ABCA13: variants seen among roughly 807,000 people sequenced by gnomAD.
The protein encoded by ABCA13 is ATP binding cassette subfamily A member 13.
ABCA13 carries 476 observed loss-of-function variants against 478.7 expected under a neutral mutation model. The observed-to-expected ratio is 0.99, with a 90% CI of 0.92 to 1.07. The LOEUF (loss-of-function observed/expected upper bound fraction) is 1.07, where lower values mean the gene tolerates loss of function less well. ABCA13 is among the 50% of genes least tolerant of loss of function. The probability of loss-of-function intolerance (pLI) is 0.00; values close to 1 mark genes in which losing one functional copy is unlikely to be tolerated. For synonymous variants in ABCA13, 2,252 were observed against 2,158.9 expected (o/e 1.04, Z -1.20); for missense variants, 6,060 against 5,910.6 (o/e 1.03, Z -0.83).
At chr7:48,438,038 C>A (rs1308274756) in intron 42 of ABCA13, among the ~76,000 whole-genome samples, 5 of 152,096 alleles carry the variant, frequency 3.3e-5, no homozygotes, top group Non-Finnish European at 5.9e-5. Context: ...TGCTCTGTTG[C>A]CCACCAAATG....
intron 6 of ABCA13, 147 bp downstream of exon 6, chr7:48,227,572 C>G: frequency 1.1e-6 from 1 of 884,828 alleles, no homozygotes; most frequent in South Asian, 1.8e-5. Flanking sequence ...TCTGCACCTC[C>G]ACGAACGTCC....
intron 1 of ABCA13, among the ~76,000 whole-genome samples, chr7:48,172,971 T>C (rs1349524165): frequency 6.6e-6 from 1 of 152,204 alleles, no homozygotes; most frequent in Non-Finnish European, 1.5e-5. Context: ...TTAGCCTATT[T>C]TCCCATGAAA....
At chr7:48,618,056 C>T (rs1050775913) in intron 59 of ABCA13, among the ~76,000 whole-genome samples, 1 of 152,178 alleles carries the variant, frequency 6.6e-6, no homozygotes, top group African/African-American at 2.4e-5. Flanking sequence ...TGAGAAACAG[C>T]TCTTCCATGG....
chr7:48,623,359 G>T (rs1586017943), intron 59 of ABCA13, among the ~76,000 whole-genome samples: 1 of 152,142 alleles, frequency 6.6e-6, no homozygotes. Flanking sequence ...GTCTGAGAAA[G>T]AAATCTGCTT....
chr7:48,588,012 C>T (rs1453704525), intron 57 of ABCA13, among the ~76,000 whole-genome samples: 3 of 152,140 alleles, frequency 2.0e-5, no homozygotes, highest in Admixed American at 2.0e-4. Context: ...AGTAGAGAGT[C>T]TGAGGGGTGT....
At chr7:48,340,384 G>C (rs1472173097) in intron 29 of ABCA13, among the ~76,000 whole-genome samples, 3 of 152,164 alleles carry the variant, frequency 2.0e-5, no homozygotes, top group Non-Finnish European at 1.5e-5. Context: ...GGGATTACAG[G>C]CGTGAGCCAC....
At chr7:48,642,622 T>G (rs1795175094) in intron 59 of ABCA13, among the ~76,000 whole-genome samples, 1 of 152,044 alleles carries the variant, frequency 6.6e-6, no homozygotes, top group African/African-American at 2.4e-5. Flanking sequence ...TTCATATAGT[T>G]TTTGGAGGAC....
At chr7:48,376,961 G>A (rs1813580521) in intron 35 of ABCA13, among the ~76,000 whole-genome samples, 1 of 152,154 alleles carries the variant, frequency 6.6e-6, no homozygotes, top group Admixed American at 6.5e-5. Context: ...TCCTAGTGGG[G>A]ATCTAGGGAC....
intron 29 of ABCA13, among the ~76,000 whole-genome samples, chr7:48,340,994 T>A (rs1433549173): frequency 2.0e-5 from 3 of 152,232 alleles, no homozygotes; most frequent in Non-Finnish European, 4.4e-5. Flanking sequence ...TCAATTGATT[T>A]CTTGTTCTGA....
chr7:48,327,026 T>G lies in ABCA13; in HGVS notation c.10000-8396T>G, dbSNP rs114685162. Reference sequence around the variant, plus strand: ...AGAACTCTAACACCAATAATTTCACTGTTTTAAATGCAGATTGAATCACTC... The same window carrying G: ...AGAACTCTAACACCAATAATTTCACGGTTTTAAATGCAGATTGAATCACTC... On this transcript the variant is annotated intron_variant, in intron 27 of 61. Transcript: ENST00000435803. Among the ~76,000 whole-genome samples the G allele has an allele frequency of 9.8e-4, 150 of 152,340 alleles. 1 individual carries two copies. The highest frequency in any genetic ancestry group is 3.4e-3 in the African/African-American group (142 of 41,580).
In ABCA13 at chr7:48,511,136, A is replaced by G. The variant is rs1339105184; in HGVS notation, c.13577A>G (p.Gln4526Arg). 8 of 1,613,594 alleles carry G rather than the reference A, an allele frequency of 5.0e-6. No individual in the cohort carries two copies. Among genetic ancestry groups the G allele is most frequent in the Non-Finnish European group, 6.8e-6 (8 of 1,179,684 alleles). Residue 4526 changes from glutamine to arginine, a missense_variant, in exon 51 of 62, where the codon CAG (glutamine) becomes CGG (arginine). This residue lies in a region of ABCA13 where 1,627 missense variants were observed against 1,571.0 expected (regional missense o/e 1.04). Transcript: ENST00000435803. ...TGTGTTGCCGTTATTGTCGCCTTCC[A>G]GTTAACAGCTTTTACTTTCCGCAAG... ...CLCVAVIVAFQLTAFTFRKNL... is the reference protein window; with the variant it reads ...CLCVAVIVAFRLTAFTFRKNL...
intron 41 of ABCA13, among the ~76,000 whole-genome samples, chr7:48,422,072 A>G (rs1820830845): frequency 5.7e-5 from 8 of 141,326 alleles, no homozygotes; most frequent in African/African-American, 2.2e-4. Context: ...AAAAAAAAAA[A>G]AAAAAAAAAA....
At chr7:48,566,819 A>G (rs1399384920) in intron 55 of ABCA13, among the ~76,000 whole-genome samples, 2 of 152,212 alleles carry the variant, frequency 1.3e-5, no homozygotes, top group Non-Finnish European at 2.9e-5. Flanking sequence ...ATTTAAGCCA[A>G]TAAAATAGAG....
chr7:48,187,537 T>C (rs1176704646), intron 1 of ABCA13, among the ~76,000 whole-genome samples: 1 of 152,014 alleles, frequency 6.6e-6, no homozygotes, highest in African/African-American at 2.4e-5. Context: ...TGTTGTATAG[T>C]CTTTGTTTTT....
intron 1 of ABCA13, among the ~76,000 whole-genome samples, chr7:48,192,575 G>C (rs1797246522): frequency 6.6e-6 from 1 of 152,142 alleles, no homozygotes; most frequent in South Asian, 2.1e-4. Context: ...ACCAAAGCCA[G>C]CAAAATATCT....
At position 48,594,728 on chromosome 7, in the gene ABCA13, AT is replaced by A; in HGVS notation, c.14660del (p.Met4887ArgfsTer13). The A allele has an allele frequency of 6.2e-7, 1 of 1,613,916 alleles. No homozygotes were observed. On this transcript the variant is annotated frameshift_variant, in exon 58 of 62. Transcript: ENST00000435803. LOFTEE classifies it high-confidence loss of function. Reference protein sequence around the residue: ...ILLLDEPSSGMDPCSKRYLWQ... With the variant: ...ILLLDEPSSGXDPCSKRYLWQ... ...CCTTCAGGATGAGCCCAGCTCTGGGATGGATCCCTGCTCTAAGCGGTACCTG... is the reference window on the plus strand; with the variant it reads ...CCTTCAGGATGAGCCCAGCTCTGGGAGGATCCCTGCTCTAAGCGGTACCTG...
rs371039733 is a variant in ABCA13 at position 48,278,390 on chromosome 7, C to A, written c.7196C>A (p.Ser2399Tyr). ...VSQLFFHVNK[S>Y]EDLFKLNQDL... ...CAGTTGTTTTTCCATGTGAATAAGT[C>A]TGAGGACCTCTTCAAACTCAATCAA... is the stretch of plus-strand genomic sequence containing the variant. The change falls in exon 18 of 62, where the codon TCT becomes TAT. Residue 2399 changes from serine (S) to tyrosine (Y), a missense_variant. Around this residue, in one of 3 missense-constraint regions of ABCA13, gnomAD observed 4,423 missense variants for 4,309.1 expected, o/e 1.03. Coordinates refer to ENST00000435803, the MANE Select transcript of ABCA13 (RefSeq NM_152701.5). 8.6e-5 allele frequency: 138 copies of A among 1,613,704 alleles called. No homozygotes were observed. Among genetic ancestry groups the A allele is most frequent in the Non-Finnish European group, 1.0e-4 (123 of 1,179,844 alleles).
intron 35 of ABCA13, among the ~76,000 whole-genome samples, chr7:48,380,359 A>T (rs527872812): frequency 7.5e-4 from 114 of 152,352 alleles, no homozygotes; most frequent in African/African-American, 2.5e-3. Context: ...TGATACAGAC[A>T]TACTGCATTG....
Position 48,278,546 on chromosome 7 carries a change from C to A in ABCA13, c.7352C>A (p.Ala2451Asp), listed in dbSNP as rs778706016. Residue 2451 changes from alanine to aspartate, a missense_variant, in exon 18 of 62, where the codon GCT (alanine) becomes GAT (aspartate). Coordinates refer to ENST00000435803, the MANE Select transcript of ABCA13 (RefSeq NM_152701.5). Reference sequence around the variant, plus strand: ...CCTACCCTCCAAGAAGTTATACTTGCTAATCTAACGGATTTGCTTTTCTTT... The same window carrying A: ...CCTACCCTCCAAGAAGTTATACTTGATAATCTAACGGATTTGCTTTTCTTT... ...LYPTLQEVIL[A>D]NLTDLLFFIN... 1.9e-6 allele frequency: 3 copies of A among 1,613,934 alleles called. No homozygotes were observed. The highest frequency in any genetic ancestry group is 2.5e-6 in the Non-Finnish European group (3 of 1,179,858).
Sources: allele counts gnomAD v4.1 joint callset (sites outside exome capture counted in the v4.1 genomes callset), GRCh38; gene constraint gnomAD v4.1.1; regional missense constraint gnomAD v4.1.1; transcripts MANE v1.5; gene names NCBI Gene and HGNC (gene_info 2026-07-23, HGNC 2026-07-21).